ARHGAP22: variants seen among roughly 807,000 people sequenced by gnomAD.
The protein encoded by ARHGAP22 is rho GTPase-activating protein 22.
ARHGAP22 carries 48 observed loss-of-function variants against 59.1 expected under a neutral mutation model. The ratio of observed to expected loss-of-function variants is 0.81; its 90% CI spans 0.64 to 1.03. ARHGAP22 has a LOEUF of 1.03. Ranked by LOEUF, ARHGAP22 falls within the 50% of genes least tolerant of loss-of-function variation. ARHGAP22 has a pLI of 0.00. For synonymous variants in ARHGAP22, 445 were observed against 416.4 expected, an observed-to-expected ratio of 1.07 and a Z score of -0.84; for missense variants, 1,015 against 958.7, an observed-to-expected ratio of 1.06 and a Z score of -0.78.
intron 3 of ARHGAP22, among the ~76,000 whole-genome samples, chr10:48,526,616 G>T (rs1181046224): frequency 1.3e-5 from 2 of 152,184 alleles, no homozygotes; most frequent in African/African-American, 4.8e-5. Context: ...GCATCTGCGG[G>T]GAGTGAGCCC....
intron 3 of ARHGAP22, chr10:48,493,438 C>T (rs1325218028): frequency 7.2e-6 from 11 of 1,535,610 alleles, no homozygotes; most frequent in Non-Finnish European, 9.6e-6. Flanking sequence ...TATCCACTTA[C>T]CCCTGGGCAT....
intron 1 of ARHGAP22, among the ~76,000 whole-genome samples, chr10:48,592,050 G>A (rs750853288): frequency 3.5e-4 from 54 of 152,150 alleles, no homozygotes; most frequent in Non-Finnish European, 6.6e-4. Flanking sequence ...TAAGAAAATG[G>A]ACAAACTGTG....
chr10:48,648,570 C>T (rs771436156), intron 1 of ARHGAP22, among the ~76,000 whole-genome samples: 1 of 152,206 alleles, frequency 6.6e-6, no homozygotes, highest in Non-Finnish European at 1.5e-5. Flanking sequence ...CCAGGTGACC[C>T]GGTGGTTGTG....
intron 1 of ARHGAP22, among the ~76,000 whole-genome samples, chr10:48,625,632 G>A (rs747247156): frequency 4.6e-4 from 70 of 151,968 alleles, no homozygotes; most frequent in Non-Finnish European, 6.8e-4. Flanking sequence ...TCTAGCAGGA[G>A]CTAGACCAGA....
intron 2 of ARHGAP22, among the ~76,000 whole-genome samples, chr10:48,559,716 A>G (rs937649640): frequency 6.6e-6 from 1 of 152,086 alleles, no homozygotes; most frequent in African/African-American, 2.4e-5. Context: ...CCACTTTTCT[A>G]TTGGGTTGTC....
In ARHGAP22 at chr10:48,528,076, G is replaced by C. The variant is rs556715928; in HGVS notation, c.322+27387C>G. Among the ~76,000 whole-genome samples the C allele has an allele frequency of 2.6e-5, 4 of 152,324 alleles. No individual in the cohort carries two copies. The East Asian group carries it at 7.7e-4, about 29-fold the overall frequency. ...ATTTCTCTGGGAGACCCACAGTTGG[G>C]TGGTGAGAATGTCAAGCTGTTTCTA... is the stretch of plus-strand genomic sequence containing the variant. On this transcript the variant is annotated intron_variant, in intron 3 of 9. Coordinates refer to ENST00000249601, the MANE Select transcript of ARHGAP22 (RefSeq NM_021226.4).
intron 2 of ARHGAP22, among the ~76,000 whole-genome samples, chr10:48,558,125 A>G (rs1328271979): frequency 1.3e-5 from 2 of 152,108 alleles, no homozygotes; most frequent in East Asian, 1.9e-4. Context: ...CTCCCCCTCC[A>G]TGGCCCATTT....
At chr10:48,546,424 AT>A in intron 3 of ARHGAP22, 1 of 154,240 alleles carries the variant, frequency 6.5e-6, no homozygotes. Flanking sequence ...CTTGGCATCA[AT>A]TATGATTTGT....
intron 3 of ARHGAP22, among the ~76,000 whole-genome samples, chr10:48,500,444 A>G (rs2051393727): frequency 6.6e-6 from 1 of 152,158 alleles, no homozygotes; most frequent in Non-Finnish European, 1.5e-5. Context: ...CACATATGGG[A>G]GTTTGGAATG....
chr10:48,432,826 G>A, the ARHGAP22 span, among the ~76,000 whole-genome samples: 3 of 152,132 alleles, frequency 2.0e-5, no homozygotes, highest in Non-Finnish European at 2.9e-5. Context: ...AGAAATTGAG[G>A]TTTCTAGACT....
intron 3 of ARHGAP22, among the ~76,000 whole-genome samples, chr10:48,498,624 C>A (rs1282246490): frequency 6.6e-6 from 1 of 152,204 alleles, no homozygotes; most frequent in Non-Finnish European, 1.5e-5. Context: ...CCTCTTGATG[C>A]GCTAGAGCCA....
chr10:48,601,241 A>T (rs995715378), intron 1 of ARHGAP22, among the ~76,000 whole-genome samples: 1 of 152,192 alleles, frequency 6.6e-6, no homozygotes, highest in African/African-American at 2.4e-5. Context: ...GAGGCCTGCT[A>T]ACCCTATGAG....
chr10:48,606,238 T>C (rs1157207419), upstream of ARHGAP22, among the ~76,000 whole-genome samples: 1 of 152,144 alleles, frequency 6.6e-6, no homozygotes, highest in East Asian at 1.9e-4. Context: ...TATTGGTATG[T>C]AATCAACTTT....
At chr10:48,523,982 TC>T in intron 3 of ARHGAP22, 2 of 1,380,622 alleles carry the variant, frequency 1.4e-6, no homozygotes, top group Non-Finnish European at 1.9e-6. Flanking sequence ...CCGTGGCGAG[TC>T]CCCGAGGCGG....
At chr10:48,455,166 C>G in intron 5 of ARHGAP22, 32 bp from the exon 6 acceptor site, 1 of 1,575,904 alleles carries the variant, frequency 6.3e-7, no homozygotes, top group Non-Finnish European at 8.6e-7. Flanking sequence ...GTGTGTGAGG[C>G]CTGGGATGCC....
At chr10:48,562,931 C>T (rs565365479) in intron 2 of ARHGAP22, among the ~76,000 whole-genome samples, 1 of 152,276 alleles carries the variant, frequency 6.6e-6, no homozygotes, top group Non-Finnish European at 1.5e-5. Flanking sequence ...TCTTACAGTT[C>T]TGGAGGTCAG....
chr10:48,589,100 C>T (rs972404570), intron 1 of ARHGAP22, among the ~76,000 whole-genome samples: 2 of 152,178 alleles, frequency 1.3e-5, no homozygotes, highest in African/African-American at 4.8e-5. Flanking sequence ...ACATACCTGC[C>T]TCTCCTTCCT....
At chr10:48,453,498 G>C in intron 7 of ARHGAP22, 73 bp from the exon 8 acceptor site, 1 of 1,594,364 alleles carries the variant, frequency 6.3e-7, no homozygotes, top group Non-Finnish European at 8.6e-7. Flanking sequence ...CGGCCTGGAC[G>C]CACCGCCACA....
At chr10:48,648,480 T>C (rs2062407238) in intron 1 of ARHGAP22, among the ~76,000 whole-genome samples, 2 of 152,150 alleles carry the variant, frequency 1.3e-5, no homozygotes, top group Non-Finnish European at 2.9e-5. Context: ...TCACTGTTTC[T>C]CGGGCCTCTG....
Sources: allele counts gnomAD v4.1 joint callset (sites outside exome capture counted in the v4.1 genomes callset), GRCh38; gene constraint gnomAD v4.1.1; transcripts MANE v1.5; gene names NCBI Gene and HGNC (gene_info 2026-07-23, HGNC 2026-07-21).